TRAF3IP3: variants seen among roughly 807,000 people sequenced by gnomAD.
TRAF3IP3 encodes the protein TRAF3-interacting JNK-activating modulator.
In TRAF3IP3, 64 loss-of-function variants were observed where a neutral mutation model predicts 86.5. The observed-to-expected ratio is 0.74, with a 90% CI of 0.60 to 0.91. The LOEUF (loss-of-function observed/expected upper bound fraction) is 0.91, where lower values mean the gene tolerates loss of function less well. Among genes scored for constraint, TRAF3IP3 ranks in the 40% least tolerant of loss-of-function variants. TRAF3IP3 has a pLI of 0.00. For synonymous variants in TRAF3IP3, 220 were observed against 243.9 expected (o/e 0.90, Z 0.91); for missense variants, 579 against 642.9 (o/e 0.90, Z 1.07).
intron 8 of TRAF3IP3, chr1:209,768,421 GTGCAATACAAAAA>G (rs1384721862): frequency 1.0e-5 from 10 of 985,390 alleles, no homozygotes; most frequent in Non-Finnish European, 1.2e-5. Flanking sequence ...TTTCAATATT[GTGCAATACAAAAA>G]CGAGAGCAGG....
At position 209,775,831 on chromosome 1, in the gene TRAF3IP3, C is replaced by T. The variant is rs1230969437; in HGVS notation, c.1053+95C>T. The T allele has an allele frequency of 2.5e-6, 3 of 1,208,272 alleles. No individual in the cohort carries two copies. The Admixed American group carries it at 7.9e-5, about 32-fold the overall frequency. 74.8% of individuals were successfully genotyped at this position (1,208,272 alleles called of 1,614,324 possible). A position where few individuals can be genotyped will look rare whatever the true frequency, so the allele number is the denominator to read the frequency against. On this transcript the variant is annotated intron_variant, in intron 11 of 16. Coordinates refer to ENST00000367025, the MANE Select transcript of TRAF3IP3 (RefSeq NM_025228.4). ...TCTGGATTAGGGACTCCAAAGGCAG[C>T]TGACAGCATCTGGCTTTCAGTTCCT...
At chr1:209,764,398 C>T (rs2077301072) in intron 8 of TRAF3IP3, among the ~76,000 whole-genome samples, 1 of 152,072 alleles carries the variant, frequency 6.6e-6, no homozygotes, top group African/African-American at 2.4e-5. Flanking sequence ...AAGCATTTGC[C>T]AGGAAAATAT....
chr1:209,781,036 G>T, intron 15 of TRAF3IP3: 1 of 224,796 alleles, frequency 4.4e-6, no homozygotes, highest in Non-Finnish European at 9.0e-6. Flanking sequence ...CTTCTAGGTC[G>T]TTTGTTCTAT....
At chr1:209,758,192 G>A (rs1423982038) in intron 1 of TRAF3IP3, among the ~76,000 whole-genome samples, 1 of 152,208 alleles carries the variant, frequency 6.6e-6, no homozygotes, top group East Asian at 1.9e-4. Context: ...TAAAGAAAGT[G>A]GCAGGGAAGA....
At position 209,763,104 on chromosome 1, in the gene TRAF3IP3, T is replaced by G; in HGVS notation, c.576+12T>G. ...CAGTTCTGGATAAGGTAAGCACATATTCACTTTGAAGGGGTCAAATCAGAA... is the reference window on the plus strand; with the variant it reads ...CAGTTCTGGATAAGGTAAGCACATAGTCACTTTGAAGGGGTCAAATCAGAA... On this transcript the variant is annotated intron_variant, in intron 6 of 16. Coordinates refer to ENST00000367025, the MANE Select transcript of TRAF3IP3 (RefSeq NM_025228.4). 1 of 1,612,888 alleles carries G rather than the reference T, an allele frequency of 6.2e-7. No individual in the cohort carries two copies. The highest frequency in any genetic ancestry group is 8.5e-7 in the Non-Finnish European group (1 of 1,179,166).
Position 209,765,227 on chromosome 1 carries a change from G to GAGGAAGGAAGGA in TRAF3IP3, c.702+1691_702+1702dup, listed in dbSNP as rs60018350. On this transcript the variant is annotated intron_variant, in intron 8 of 16. Coordinates refer to ENST00000367025, the MANE Select transcript of TRAF3IP3 (RefSeq NM_025228.4). ...AGAGAGAGAGAGGGAGAGAGAGAGA[G>GAGGAAGGAAGGA]AGGAAGGAAGGAAGGAAGGAAGGAA... Among the ~76,000 whole-genome samples, 145 of 58,116 alleles carry GAGGAAGGAAGGA rather than the reference G, an allele frequency of 2.5e-3. 1 individual carries two copies. The highest frequency in any genetic ancestry group is 0.012 in the Admixed American group (58 of 4,816). 38.1% of individuals were successfully genotyped at this position (58,116 alleles called of 152,430 possible). A position where few individuals can be genotyped will look rare whatever the true frequency, so the allele number is the denominator to read the frequency against.
intron 8 of TRAF3IP3, among the ~76,000 whole-genome samples, chr1:209,764,743 CAAA>C (rs58783495): frequency 2.0e-5 from 2 of 99,868 alleles, no homozygotes. Flanking sequence ...GACTCCATCT[CAAA>C]AAAAAAAAAA....
intron 3 of TRAF3IP3, 129 bp downstream of exon 3, chr1:209,760,513 T>A: frequency 1.3e-6 from 1 of 761,948 alleles, no homozygotes; most frequent in Non-Finnish European, 2.1e-6. Flanking sequence ...ATAGTAAAGT[T>A]GCCAAGAGCT....
intron 5 of TRAF3IP3, 61 bp downstream of exon 5, chr1:209,762,931 G>A: frequency 6.2e-7 from 1 of 1,609,158 alleles, no homozygotes. Flanking sequence ...AGAACACAAT[G>A]AATTTCCATG....
At chr1:209,762,064 G>C (rs145087421) in intron 3 of TRAF3IP3, among the ~76,000 whole-genome samples, 1 of 78,942 alleles carries the variant, frequency 1.3e-5, no homozygotes, top group South Asian at 3.3e-4. Flanking sequence ...CATTGTCTTC[G>C]TCCTGTAATG....
chr1:209,765,178 G>GGAGAGAGA lies in TRAF3IP3; in HGVS notation c.702+1619_702+1626dup, dbSNP rs375415223. On this transcript the variant is annotated intron_variant, in intron 8 of 16. Transcript: ENST00000367025. ...TGACAGAGCAGGACTCTGAGAGACA[G>GGAGAGAGA]GAGAGAGAGAGAGAGAGAGAGAGAG... Among the ~76,000 whole-genome samples, 58 of 87,864 alleles carry GGAGAGAGA rather than the reference G, an allele frequency of 6.6e-4. 2 individuals carry two copies. Among genetic ancestry groups the GGAGAGAGA allele is most frequent in the African/African-American group, 1.4e-3 (27 of 19,990 alleles). 57.6% of individuals were successfully genotyped at this position (87,864 alleles called of 152,430 possible).
At position 209,781,436 on chromosome 1, in the gene TRAF3IP3, A is replaced by G; in HGVS notation, c.1541A>G (p.Gln514Arg). The change falls in exon 16 of 17, where the codon CAG (glutamine) becomes CGG (arginine). Residue 514 changes from glutamine to arginine, a missense_variant. By Grantham distance (43) the Gln-to-Arg change is conservative. Transcript: ENST00000367025. The part of the protein sequence containing the change: ...KLQHCREELN[Q>R]SQQLPPRRQC... ...CAGCACTGTCGAGAAGAGCTGAACCAGAGCCAGCAGCTGCCTCCCAGAGTA... is the reference window on the plus strand; with the variant it reads ...CAGCACTGTCGAGAAGAGCTGAACCGGAGCCAGCAGCTGCCTCCCAGAGTA... 6 of 1,613,276 alleles carry G rather than the reference A, an allele frequency of 3.7e-6. No homozygotes were observed. Among genetic ancestry groups the G allele is most frequent in the Non-Finnish European group, 5.1e-6 (6 of 1,179,456 alleles).
intron 8 of TRAF3IP3, among the ~76,000 whole-genome samples, chr1:209,763,998 G>A (rs1297467687): frequency 6.6e-6 from 1 of 152,206 alleles, no homozygotes; most frequent in African/African-American, 2.4e-5. Flanking sequence ...AAATATCAGA[G>A]TGGGAAGGGA....
In TRAF3IP3 at chr1:209,760,274, G is replaced by C. The variant is rs12730965; in HGVS notation, c.235G>C (p.Ala79Pro). ...CCTGGAGCTAGAGGAGAAGGGCAAA[G>C]CGCAGCATCCCCAGGCCAGGGAGCA... ...RNLELEEKGKAQHPQAREQGP... is the reference protein window; with the variant it reads ...RNLELEEKGKPQHPQAREQGP... The change falls in exon 3 of 17, where the codon GCG becomes CCG. Residue 79 changes from alanine to proline, a missense_variant. Physicochemically the swap from Ala to Pro is conservative, Grantham distance 27. Transcript: ENST00000367025. The C allele has an allele frequency of 6.2e-7, 1 of 1,614,236 alleles. No homozygotes were observed. Among genetic ancestry groups the C allele is most frequent in the Admixed American group, 1.7e-5 (1 of 60,020 alleles).
chr1:209,762,132 T>A (rs1303196522), intron 3 of TRAF3IP3, among the ~76,000 whole-genome samples: 3 of 152,106 alleles, frequency 2.0e-5, no homozygotes, highest in African/African-American at 7.2e-5. Context: ...AATTCTGGAG[T>A]CTGGAGTTCT....
intron 8 of TRAF3IP3, among the ~76,000 whole-genome samples, chr1:209,765,892 G>T (rs2077347606): frequency 6.6e-6 from 1 of 152,148 alleles, no homozygotes; most frequent in Non-Finnish European, 1.5e-5. Flanking sequence ...CCCTTAAAAG[G>T]GTCTTGGGGA....
intron 8 of TRAF3IP3, chr1:209,768,664 T>G (rs2077402661): frequency 1.0e-6 from 1 of 985,592 alleles, no homozygotes; most frequent in South Asian, 4.7e-5. Flanking sequence ...GCACCAGGTG[T>G]GTATGGCCTC....
intron 12 of TRAF3IP3, 59 bp from the exon 13 acceptor site, chr1:209,778,052 G>T: frequency 7.0e-7 from 1 of 1,429,332 alleles, no homozygotes; most frequent in Non-Finnish European, 9.8e-7. Flanking sequence ...TCCATCCTAA[G>T]TACTGAGTTC....
At chr1:209,767,675 GAA>G (rs373718971) in intron 8 of TRAF3IP3, among the ~76,000 whole-genome samples, 2 of 138,262 alleles carry the variant, frequency 1.4e-5, no homozygotes. Context: ...ACCCTGTCTT[GAA>G]AAAAAAAAAA....
Sources: allele counts gnomAD v4.1 joint callset (sites outside exome capture counted in the v4.1 genomes callset), GRCh38; gene constraint gnomAD v4.1.1; transcripts MANE v1.5; gene names NCBI Gene and HGNC (gene_info 2026-07-23, HGNC 2026-07-21).